The following CA10 variants were observed in gnomAD, a reference collection of about 807,000 sequenced individuals.
The protein encoded by CA10 is carbonic anhydrase 10 (inactive).
In CA10, 14 loss-of-function variants were observed where a neutral mutation model predicts 44.2. The ratio of observed to expected loss-of-function variants is 0.32; its 90% CI spans 0.21 to 0.50. The LOEUF (loss-of-function observed/expected upper bound fraction) is 0.50. CA10 is among the 20% of genes least tolerant of loss of function. CA10 has a pLI of 0.99. For missense variants in CA10, 350 were observed against 409.7 expected (o/e 0.85, Z 1.26); for synonymous variants, 159 against 141.6 (o/e 1.12, Z -0.87).
chr17:51,759,476 TAATC>T (rs1905161619), intron 3 of CA10, among the ~76,000 whole-genome samples: 1 of 135,206 alleles, frequency 7.4e-6, no homozygotes, highest in Non-Finnish European at 1.6e-5. Context: ...TTATATATAA[TAATC>T]TATATTTAAT....
At chr17:52,063,008 G>A (rs1358939183) in intron 2 of CA10, among the ~76,000 whole-genome samples, 2 of 152,224 alleles carry the variant, frequency 1.3e-5, no homozygotes, top group Non-Finnish European at 2.9e-5. Flanking sequence ...GTGGGGGCAG[G>A]GCTTTCCAAG....
At chr17:52,071,935 C>T (rs568377251) in intron 2 of CA10, among the ~76,000 whole-genome samples, 2 of 152,292 alleles carry the variant, frequency 1.3e-5, no homozygotes, top group South Asian at 2.1e-4. Flanking sequence ...TAAGTGCTGG[C>T]CATGGATGCT....
At chr17:51,874,839 T>C (rs1414013439) in intron 3 of CA10, among the ~76,000 whole-genome samples, 2 of 152,202 alleles carry the variant, frequency 1.3e-5, no homozygotes, top group Non-Finnish European at 2.9e-5. Context: ...CCCAAGGCTA[T>C]TGCAACTTAA....
At chr17:51,930,907 G>A in intron 3 of CA10, 83 bp downstream of exon 3, 1 of 1,513,942 alleles carries the variant, frequency 6.6e-7, no homozygotes, top group South Asian at 1.2e-5. Flanking sequence ...ACTCATCACA[G>A]AGACTGAAGC....
intron 1 of CA10, among the ~76,000 whole-genome samples, chr17:52,148,547 A>C (rs1380491725): frequency 1.3e-5 from 2 of 152,208 alleles, no homozygotes; most frequent in Non-Finnish European, 2.9e-5. Context: ...GACTCTGCAC[A>C]CTCAAAAACC....
intron 1 of CA10, among the ~76,000 whole-genome samples, chr17:52,151,575 T>C (rs1288064021): frequency 6.6e-6 from 1 of 152,278 alleles, no homozygotes; most frequent in Non-Finnish European, 1.5e-5. Flanking sequence ...GTGATTCCAG[T>C]GCCTGGCATA....
At chr17:52,010,108 T>C (rs1257490003) in intron 2 of CA10, among the ~76,000 whole-genome samples, 2 of 151,982 alleles carry the variant, frequency 1.3e-5, no homozygotes, top group Non-Finnish European at 2.9e-5. Flanking sequence ...TAATAGATGT[T>C]GGCATGGATG....
intron 3 of CA10, among the ~76,000 whole-genome samples, chr17:51,922,239 A>G (rs963690273): frequency 2.0e-5 from 3 of 152,120 alleles, no homozygotes; most frequent in Admixed American, 2.0e-4. Flanking sequence ...AGCCAAATAA[A>G]CCCTTTGTTT....
At chr17:52,115,652 G>T (rs1988878378) in intron 1 of CA10, among the ~76,000 whole-genome samples, 1 of 152,222 alleles carries the variant, frequency 6.6e-6, no homozygotes, top group South Asian at 2.1e-4. Context: ...TGGGTGAGCA[G>T]CAGCTCCCCG....
intron 4 of CA10, among the ~76,000 whole-genome samples, chr17:51,717,560 T>TATAA (rs1916156634): frequency 7.9e-6 from 1 of 127,322 alleles, no homozygotes; most frequent in African/African-American, 3.0e-5. Context: ...TATATATATA[T>TATAA]AATATTACAT....
At chr17:52,013,178 AAC>A (rs1430385023) in intron 2 of CA10, among the ~76,000 whole-genome samples, 3 of 152,088 alleles carry the variant, frequency 2.0e-5, no homozygotes, top group South Asian at 2.1e-4. Flanking sequence ...TCCATTGAAT[AAC>A]AGATTCCTAA....
At chr17:52,024,603 G>A (rs1986243728) in intron 2 of CA10, among the ~76,000 whole-genome samples, 1 of 152,104 alleles carries the variant, frequency 6.6e-6, no homozygotes, top group Admixed American at 6.5e-5. Flanking sequence ...GGCATATTGT[G>A]TATTGGAAGA....
chr17:51,638,868 G>C (rs1010141834), intron 6 of CA10, among the ~76,000 whole-genome samples: 4 of 152,148 alleles, frequency 2.6e-5, no homozygotes, highest in Non-Finnish European at 4.4e-5. Context: ...AGGGTGTCAA[G>C]GCCACTGTAG....
chr17:51,687,956 GAAACC>G lies in CA10; in HGVS notation c.466-34225_466-34221del, dbSNP rs1389015338. ...CTCATGTTGCGTAGAGTTGAACTGT[GAAACC>G]AACAGGATATTAAGTAAATGACAGT... is the stretch of plus-strand genomic sequence containing the variant. On this transcript the variant is annotated intron_variant, in intron 4 of 8. Transcript: ENST00000451037. 8.5e-5 allele frequency among the ~76,000 whole-genome samples: 13 copies of G among 152,280 alleles called. No individual in the cohort carries two copies. The East Asian group carries it at 2.1e-3, about 25-fold the overall frequency.
At chr17:51,811,549 C>T (rs1050388994) in intron 3 of CA10, among the ~76,000 whole-genome samples, 2 of 152,174 alleles carry the variant, frequency 1.3e-5, no homozygotes, top group Admixed American at 6.5e-5. Flanking sequence ...AGTTCTCTGT[C>T]CTTGTGATAG....
intron 1 of CA10, among the ~76,000 whole-genome samples, chr17:52,143,292 G>A (rs1438046255): frequency 2.6e-5 from 4 of 152,068 alleles, no homozygotes; most frequent in Middle Eastern, 3.4e-3. Flanking sequence ...TATCTGACAT[G>A]AATTTTTGGC....
At position 51,646,011 on chromosome 17, in the gene CA10, TGA is replaced by T. The variant is rs1325742598; in HGVS notation, c.634+3169_634+3170del. On this transcript the variant is annotated intron_variant, in intron 6 of 8. Coordinates refer to ENST00000451037, the MANE Select transcript of CA10 (RefSeq NM_020178.5). ...GGATATCATCTTGATCCTAGAACAA[TGA>T]GAGTCACGTGGAGCTGAGCTGCTTC... Among the ~76,000 whole-genome samples the T allele has an allele frequency of 2.0e-5, 3 of 152,274 alleles. No individual in the cohort carries two copies. In the East Asian group the frequency reaches 5.8e-4, roughly 29 times the overall value.
intron 4 of CA10, among the ~76,000 whole-genome samples, chr17:51,699,463 C>G (rs961553789): frequency 2.6e-5 from 4 of 152,132 alleles, no homozygotes; most frequent in Admixed American, 2.6e-4. Context: ...ACCGGAGACA[C>G]ACACAGCCCC....
chr17:52,046,255 CACCA>C, intron 2 of CA10, among the ~76,000 whole-genome samples: 1 of 150,826 alleles, frequency 6.6e-6, no homozygotes, highest in East Asian at 2.0e-4. Flanking sequence ...AAATCCATGA[CACCA>C]ACCAAGAACT....
Sources: gnomAD v4.1 joint callset for allele counts (sites outside exome capture counted in the v4.1 genomes callset) on GRCh38, gnomAD v4.1.1 for gene constraint, MANE v1.5 for transcripts, NCBI Gene and HGNC (gene_info 2026-07-23, HGNC 2026-07-21) for gene names.